PLEKHS1: variants seen among roughly 807,000 people sequenced by gnomAD.
PLEKHS1 encodes pleckstrin homology domain containing S1.
A neutral mutation model predicts 51.0 loss-of-function variants in PLEKHS1; 55 were observed. That is an observed-to-expected ratio of 1.08 (90% CI 0.87 to 1.35). PLEKHS1 has a LOEUF of 1.35. Ranked by LOEUF, PLEKHS1 falls within the 40% of genes most tolerant of loss-of-function variation. The probability of loss-of-function intolerance (pLI) is 0.00; values close to 1 mark genes in which losing one functional copy is unlikely to be tolerated. For synonymous variants in PLEKHS1, 153 were observed against 144.8 expected, an observed-to-expected ratio of 1.06 and a Z score of -0.41; for missense variants, 398 against 423.0, an observed-to-expected ratio of 0.94 and a Z score of 0.52.
chr10:113,770,494 A>G (rs2134541518), intron 7 of PLEKHS1, among the ~76,000 whole-genome samples: 1 of 152,344 alleles, frequency 6.6e-6, no homozygotes, highest in African/African-American at 2.4e-5. Context: ...AGTCATAAAC[A>G]TGCTGAGTGG....
chr10:113,780,920 T>TC, exon 12 of PLEKHS1: 13 of 737,070 alleles, frequency 1.8e-5, no homozygotes, highest in Non-Finnish European at 2.6e-5. Context: ...TGGGGATGAC[T>TC]ATCCCCTCTC....
chr10:113,780,648 A>G (rs758082384), exon 12 of PLEKHS1: 1 of 1,613,980 alleles, frequency 6.2e-7, no homozygotes, highest in African/African-American at 1.3e-5. Context: ...GAGACATTCC[A>G]TGCTGCATCC....
chr10:113,765,560 C>T (rs1009814464), intron 2 of PLEKHS1, among the ~76,000 whole-genome samples: 5 of 152,120 alleles, frequency 3.3e-5, no homozygotes, highest in Admixed American at 2.0e-4. Flanking sequence ...CTATTGAAAA[C>T]GGGGTGGCAG....
At chr10:113,777,689 C>G (rs1275122074) in intron 11 of PLEKHS1, 1 of 1,524,592 alleles carries the variant, frequency 6.6e-7, no homozygotes, top group South Asian at 1.2e-5. Flanking sequence ...ATATTAGGTG[C>G]TCAATAAAGC....
rs954469452 is a variant in PLEKHS1 at position 113,756,257 on chromosome 10, G to A, written c.28+952G>A. Among the ~76,000 whole-genome samples the A allele has an allele frequency of 3.9e-5, 6 of 152,158 alleles. No individual in the cohort carries two copies. In the East Asian group the frequency reaches 1.2e-3, roughly 29 times the overall value. ...GAGGCAGGTGGATCACTTGAGATCA[G>A]GAGTTTGAGGCCAGCTTGGCCAACA... On this transcript the variant is annotated intron_variant, in intron 2 of 11. Transcript: ENST00000361048.
rs1844830131 is a variant in PLEKHS1 at position 113,780,466 on chromosome 10, C to G, written c.*-136C>G. 4 of 801,568 alleles carry G rather than the reference C, an allele frequency of 5.0e-6. No individual in the cohort carries two copies. The Admixed American group carries it at 8.9e-5, about 18-fold the overall frequency. 49.7% of individuals were successfully genotyped at this position (801,568 alleles called of 1,614,324 possible). On this transcript the variant is annotated intron_variant, in intron 11 of 11. Coordinates refer to ENST00000361048, the Ensembl canonical transcript of PLEKHS1. ...CCAAGTAAGTCATCCCTGTCTATTT[C>G]TGGCCCAGATATTACAGTTCACTGC...
exon 12 of PLEKHS1, chr10:113,780,906 A>G (rs1225674628): frequency 2.4e-6 from 2 of 825,144 alleles, no homozygotes; most frequent in Non-Finnish European, 3.7e-6. Context: ...CTGCATCTTA[A>G]CAATGGGGAT....
At chr10:113,777,738 A>C (rs1844740601) in intron 11 of PLEKHS1, 20 of 1,472,572 alleles carry the variant, frequency 1.4e-5, no homozygotes, top group South Asian at 1.4e-5. Context: ...TGACCATGGA[A>C]TGTTATTCAA....
rs113047252 is a variant in PLEKHS1, at chr10:113,759,132, G to A, written c.28+3827G>A. On this transcript the variant is annotated intron_variant, in intron 2 of 11. Coordinates refer to ENST00000361048, the Ensembl canonical transcript of PLEKHS1. Reference sequence around the variant, plus strand: ...CAAGATGGTAAATGTGGCCGGGTGCGGTGGCTCACGCCTGTAATCCTAGCA... The same window carrying A: ...CAAGATGGTAAATGTGGCCGGGTGCAGTGGCTCACGCCTGTAATCCTAGCA... Among the ~76,000 whole-genome samples, 548 of 152,286 alleles carry A rather than the reference G, an allele frequency of 3.6e-3. 6 individuals carry two copies. The highest frequency in any genetic ancestry group is 0.013 in the African/African-American group (530 of 41,554).
intron 7 of PLEKHS1, among the ~76,000 whole-genome samples, chr10:113,770,575 T>C (rs557480417): frequency 2.8e-4 from 42 of 152,338 alleles, no homozygotes; most frequent in Middle Eastern, 3.4e-3. Context: ...TGTCCATGTA[T>C]ACCAAGCACA....
At chr10:113,772,225 T>C in intron 8 of PLEKHS1, 136 bp downstream of exon 8, 1 of 894,516 alleles carries the variant, frequency 1.1e-6, no homozygotes, top group Non-Finnish European at 1.7e-6. Flanking sequence ...GACGTGCTCA[T>C]GGTGCTGACA....
At chr10:113,775,488 T>C (rs1226382702) in intron 10 of PLEKHS1, among the ~76,000 whole-genome samples, 1 of 152,218 alleles carries the variant, frequency 6.6e-6, no homozygotes, top group South Asian at 2.1e-4. Context: ...TTCTATGGAA[T>C]CATTTCCAGC....
At chr10:113,767,767 G>C (rs756805283) in intron 5 of PLEKHS1, among the ~76,000 whole-genome samples, 1 of 152,116 alleles carries the variant, frequency 6.6e-6, no homozygotes, top group Non-Finnish European at 1.5e-5. Context: ...GTAGAGCCAT[G>C]CTCTCTCTGA....
intron 2 of PLEKHS1, among the ~76,000 whole-genome samples, chr10:113,757,042 A>C (rs1414843952): frequency 6.6e-6 from 1 of 150,418 alleles, no homozygotes; most frequent in African/African-American, 2.5e-5. Flanking sequence ...CAGCCTCCCG[A>C]GTAGCTAGGA....
chr10:113,770,046 T>G, intron 7 of PLEKHS1, 146 bp downstream of exon 7: 1 of 686,764 alleles, frequency 1.5e-6, no homozygotes. Flanking sequence ...CCCTGATGTT[T>G]ATCCCATACC....
chr10:113,760,682 T>G (rs1843879178), intron 2 of PLEKHS1, among the ~76,000 whole-genome samples: 1 of 152,198 alleles, frequency 6.6e-6, no homozygotes, highest in Non-Finnish European at 1.5e-5. Context: ...TGTTGCATTG[T>G]AAGAGTTCTT....
intron 1 of PLEKHS1, among the ~76,000 whole-genome samples, chr10:113,752,623 G>C (rs1853899383): frequency 6.6e-6 from 1 of 152,166 alleles, no homozygotes; most frequent in Non-Finnish European, 1.5e-5. Flanking sequence ...GTATTATAAA[G>C]TATCCAAGAT....
chr10:113,767,197 C>A, intron 4 of PLEKHS1, 148 bp from the exon 5 acceptor site: 1 of 581,632 alleles, frequency 1.7e-6, no homozygotes. Context: ...TCAAAAAATC[C>A]AAACTTATCT....
At chr10:113,775,099 T>G (rs1191632436) in intron 10 of PLEKHS1, 64 bp downstream of exon 10, 2 of 1,393,476 alleles carry the variant, frequency 1.4e-6, no homozygotes, top group Non-Finnish European at 2.0e-6. Context: ...TCCCACTTTT[T>G]TTTTTAACTT....
Sources: allele counts gnomAD v4.1 joint callset (sites outside exome capture counted in the v4.1 genomes callset), GRCh38; gene constraint gnomAD v4.1.1; transcripts MANE v1.5; gene names NCBI Gene and HGNC (gene_info 2026-07-23, HGNC 2026-07-21).